The following ERBIN variants were observed in gnomAD, a reference collection of about 807,000 sequenced individuals.
ERBIN encodes densin-180-like protein.
Under a neutral mutation model 158.4 loss-of-function variants are expected in ERBIN, and 60 were observed. The ratio of observed to expected loss-of-function variants is 0.38; its 90% confidence interval spans 0.31 to 0.47. ERBIN has a LOEUF of 0.47. ERBIN is among the 20% of genes least tolerant of loss of function. ERBIN has a pLI of 0.99. For missense variants in ERBIN, 1,610 were observed against 1,648.0 expected (o/e 0.98, Z 0.40); for synonymous variants, 594 against 557.2 (o/e 1.07, Z -0.93).
intron 21 of ERBIN, among the ~76,000 whole-genome samples, chr5:66,063,191 G>A (rs1013337662): frequency 6.6e-6 from 1 of 152,242 alleles, no homozygotes; most frequent in East Asian, 1.9e-4. Flanking sequence ...GCTTCACCCA[G>A]TTCGAGCTTC....
At chr5:66,068,160 C>T (rs1204868410) in intron 21 of ERBIN, among the ~76,000 whole-genome samples, 1 of 151,512 alleles carries the variant, frequency 6.6e-6, no homozygotes, top group African/African-American at 2.4e-5. Flanking sequence ...GAGACCTCGT[C>T]TCTACAAAAA....
At position 66,078,519 on chromosome 5, in the gene ERBIN, G is replaced by C; in HGVS notation, c.4228G>C (p.Val1410Leu). The change falls in exon 26 of 26, where the codon GTT (valine) becomes CTT (leucine). Residue 1410 changes from valine (V) to leucine (L), a missense_variant. By Grantham distance (32) the Val-to-Leu change is conservative. Coordinates refer to ENST00000284037, the MANE Select transcript of ERBIN (RefSeq NM_001253697.2). ...NTVELIIVRE[V>L]SS ...AGTTGAACTCATCATTGTACGAGAAGTTTCCTCATAAGCACTGTGGACAAA... is the reference window on the plus strand; with the variant it reads ...AGTTGAACTCATCATTGTACGAGAACTTTCCTCATAAGCACTGTGGACAAA... The C allele has an allele frequency of 3.1e-6, 5 of 1,607,048 alleles. No homozygotes were observed. The South Asian group carries it at 5.6e-5, about 18-fold the overall frequency.
Position 65,983,974 on chromosome 5 carries a change from C to G in ERBIN, c.-57-4661C>G, listed in dbSNP as rs61730936. Reference sequence around the variant, plus strand: ...CATGTGGTAGATGCCAGTGCACACCCGGGAACCACTGTCCCCCAGCCAGCT... The same window carrying G: ...CATGTGGTAGATGCCAGTGCACACCGGGGAACCACTGTCCCCCAGCCAGCT... On this transcript the variant is annotated intron_variant, in intron 1 of 25. Transcript: ENST00000284037. Among the ~76,000 whole-genome samples the G allele has an allele frequency of 1.4e-3, 214 of 152,228 alleles. 1 individual carries two copies. Among genetic ancestry groups the G allele is most frequent in the African/African-American group, 5.0e-3 (208 of 41,550 alleles).
At chr5:65,958,447 C>G in intron 1 of ERBIN, among the ~76,000 whole-genome samples, 1 of 140,618 alleles carries the variant, frequency 7.1e-6, no homozygotes, top group East Asian at 2.1e-4. Flanking sequence ...AGCGAAACCC[C>G]GTCTCCACCA....
At chr5:65,996,324 G>A (rs1182033301) in intron 4 of ERBIN, among the ~76,000 whole-genome samples, 1 of 147,786 alleles carries the variant, frequency 6.8e-6, no homozygotes, top group Non-Finnish European at 1.5e-5. Flanking sequence ...TTTTTAAATG[G>A]TGTAAGATAA....
chr5:66,077,291 T>A (rs1355084144), intron 25 of ERBIN, among the ~76,000 whole-genome samples: 1 of 151,902 alleles, frequency 6.6e-6, no homozygotes, highest in African/African-American at 2.4e-5. Context: ...AGAAGAAAAA[T>A]TTTAAATCTG....
intron 1 of ERBIN, among the ~76,000 whole-genome samples, chr5:65,971,492 C>T (rs776427461): frequency 1.3e-5 from 2 of 152,072 alleles, no homozygotes; most frequent in Admixed American, 6.6e-5. Context: ...ATTAATGAGA[C>T]TCCTTGGATG....
Position 66,054,953 on chromosome 5 carries a change from T to C in ERBIN, c.3633+2T>C. 6.4e-7 allele frequency: 1 copy of C among 1,558,818 alleles called. No homozygotes were observed. ...ATTGAAGCCAAAAAGTTAGAAAAGG[T>C]AATTGAACATGAGTTTTTCATTATT... On this transcript the variant is annotated splice_donor_variant, in intron 21 of 25. Coordinates refer to ENST00000284037, the MANE Select transcript of ERBIN (RefSeq NM_001253697.2). LOFTEE classifies it high-confidence loss of function.
chr5:65,957,913 G>T (rs1036058311), intron 1 of ERBIN, among the ~76,000 whole-genome samples: 1 of 151,268 alleles, frequency 6.6e-6, no homozygotes, highest in African/African-American at 2.4e-5. Context: ...GGCGGCTGCC[G>T]GGCGGAGGGG....
chr5:65,940,604 A>C (rs1468738515), intron 1 of ERBIN, among the ~76,000 whole-genome samples: 1 of 66,636 alleles, frequency 1.5e-5, no homozygotes, highest in African/African-American at 5.5e-5. Flanking sequence ...GGAAGTGAGG[A>C]GCCCCTCTGC....
intron 1 of ERBIN, among the ~76,000 whole-genome samples, chr5:65,929,133 T>G (rs1743045004): frequency 6.6e-6 from 1 of 152,200 alleles, no homozygotes; most frequent in Admixed American, 6.5e-5. Flanking sequence ...GGTACAAACA[T>G]GGAAACCAAA....
chr5:65,966,680 CAAAAAAAAAAAAAAAAAA>C (rs70987105), intron 1 of ERBIN, among the ~76,000 whole-genome samples: 3 of 50,112 alleles, frequency 6.0e-5, no homozygotes, highest in African/African-American at 7.6e-5. Flanking sequence ...AACTCTGTCT[CAAAAAAAAAAAAAAAAAA>C]AAAAAAAAAA....
At chr5:65,986,861 A>G (rs1351068324) in intron 1 of ERBIN, among the ~76,000 whole-genome samples, 1 of 152,212 alleles carries the variant, frequency 6.6e-6, no homozygotes, top group Non-Finnish European at 1.5e-5. Flanking sequence ...AATAGTTAGC[A>G]TTAATTCAGC....
At chr5:65,948,010 CAA>C (rs34947340) in intron 1 of ERBIN, among the ~76,000 whole-genome samples, 3 of 134,324 alleles carry the variant, frequency 2.2e-5, no homozygotes, top group Admixed American at 7.6e-5. Flanking sequence ...AACTGCATTT[CAA>C]AAAAAAAAAA....
intron 22 of ERBIN, among the ~76,000 whole-genome samples, chr5:66,074,338 AT>A (rs1761791527): frequency 2.6e-5 from 4 of 151,200 alleles, no homozygotes; most frequent in African/African-American, 7.4e-5. Context: ...AATAATTTAA[AT>A]TTTTTTGCTG....
At chr5:66,024,555 C>A in intron 10 of ERBIN, 105 bp downstream of exon 10, 1 of 1,102,034 alleles carries the variant, frequency 9.1e-7, no homozygotes, top group Non-Finnish European at 1.3e-6. Context: ...TTCGTTACCA[C>A]AGGAACGGAT....
At chr5:65,965,970 C>T (rs1026591738) in intron 1 of ERBIN, among the ~76,000 whole-genome samples, 10 of 152,080 alleles carry the variant, frequency 6.6e-5, no homozygotes, top group Non-Finnish European at 7.4e-5. Context: ...AATAAAATGA[C>T]GGTGCAGTTA....
chr5:66,049,955 TTAAG>T (rs1449861114), intron 19 of ERBIN, among the ~76,000 whole-genome samples: 7 of 152,118 alleles, frequency 4.6e-5, no homozygotes, highest in Non-Finnish European at 8.8e-5. Context: ...TTTAAAAACA[TTAAG>T]AAAGAGCTGA....
Position 66,034,102 on chromosome 5 carries a change from C to T in ERBIN, c.1207-4281C>T, listed in dbSNP as rs142613743. The stretch of plus-strand genomic sequence containing the variant: ...CCACACTGTAGCCTGGGTGACAGAG[C>T]GAGACTTTGTCTCAAAAAAAAAAAA... On this transcript the variant is annotated intron_variant, in intron 14 of 25. Coordinates refer to ENST00000284037, the MANE Select transcript of ERBIN (RefSeq NM_001253697.2). 1.9e-4 allele frequency among the ~76,000 whole-genome samples: 24 copies of T among 123,906 alleles called. 1 individual carries two copies. In the East Asian group the frequency reaches 2.2e-3, roughly 11 times the overall value. The allele number at this position is 123,906 out of a possible 152,430, so 81.3% of individuals were successfully genotyped here.
Sources: allele counts gnomAD v4.1 joint callset (sites outside exome capture counted in the v4.1 genomes callset), GRCh38; gene constraint gnomAD v4.1.1; transcripts MANE v1.5; gene names NCBI Gene and HGNC (gene_info 2026-07-23, HGNC 2026-07-21).